GALK2: variants seen among roughly 807,000 people sequenced by gnomAD.
The protein encoded by GALK2 is N-acetylgalactosamine kinase.
Under a neutral mutation model 52.4 loss-of-function variants are expected in GALK2, and 36 were observed. That is an observed-to-expected ratio of 0.69 (90% confidence interval 0.53 to 0.91). The LOEUF (loss-of-function observed/expected upper bound fraction) is 0.91, where lower values mean the gene tolerates loss of function less well. Ranked by LOEUF, GALK2 falls within the 40% of genes least tolerant of loss-of-function variation. The pLI is 0.00. For synonymous variants in GALK2, 176 were observed against 199.1 expected (o/e 0.88, Z 0.98); for missense variants, 579 against 559.1 (o/e 1.04, Z -0.36).
At chr15:49,343,066 C>G (rs992655231) in intron 3 of GALK2, among the ~76,000 whole-genome samples, 34 of 152,112 alleles carry the variant, frequency 2.2e-4, no homozygotes, top group Admixed American at 2.0e-4. Context: ...GTCTACCTCT[C>G]TAACAAGATA....
intron 4 of GALK2, 112 bp from the exon 5 acceptor site, chr15:49,239,109 A>G (rs1223407413): frequency 2.4e-6 from 2 of 817,094 alleles, no homozygotes; most frequent in Non-Finnish European, 3.9e-6. Flanking sequence ...TAGTTTCTAT[A>G]ACTATTATAA....
chr15:49,283,667 A>G lies in GALK2; in HGVS notation c.705A>G (p.Ala235=). The G allele has an allele frequency of 6.2e-7, 1 of 1,614,144 alleles. No homozygotes were observed. The highest frequency in any genetic ancestry group is 8.5e-7 in the Non-Finnish European group (1 of 1,179,972). The stretch of plus-strand genomic sequence containing the variant: ...ACAGTTGTGTGGAGATGAATAAGGC[A>G]GCAACTTCCCATTTCAATATCAGGG... ...IANSCVEMNK[A]ATSHFNIRVM... Residue 235 remains alanine (A), a synonymous_variant, in exon 7 of 10, where the codon GCA becomes GCG. Transcript: ENST00000560031.
chr15:49,211,458 G>T (rs1046799618), intron 2 of GALK2, among the ~76,000 whole-genome samples: 3 of 152,064 alleles, frequency 2.0e-5, no homozygotes, highest in African/African-American at 7.2e-5. Flanking sequence ...TCCAACCTCT[G>T]CCACTTACCT....
intron 5 of GALK2, among the ~76,000 whole-genome samples, chr15:49,269,939 C>G (rs1284213624): frequency 6.6e-6 from 1 of 152,230 alleles, no homozygotes; most frequent in Non-Finnish European, 1.5e-5. Flanking sequence ...TGTGCGTCCT[C>G]TTATTCTTTC....
chr15:49,250,011 A>C (rs949580853), intron 5 of GALK2, among the ~76,000 whole-genome samples: 1 of 152,214 alleles, frequency 6.6e-6, no homozygotes, highest in Non-Finnish European at 1.5e-5. Context: ...CGTACTAGCC[A>C]ATGGAAACCG....
Position 49,283,700 on chromosome 15 carries a change from G to T in GALK2, c.738G>T (p.Glu246Asp). The change falls in exon 7 of 10, where the codon GAG (glutamate) becomes GAT (aspartate). Residue 246 changes from glutamate (E) to aspartate (D), a missense_variant. Physicochemically the swap from Glu to Asp is conservative, Grantham distance 45. Coordinates refer to ENST00000560031, the MANE Select transcript of GALK2 (RefSeq NM_002044.4). ...ATSHFNIRVM[E>D]CRLAAKLLAK... is the part of the protein sequence containing the mutation. ...CCCATTTCAATATCAGGGTGATGGA[G>T]TGTCGGCTGGCTGCGAAGGTATGAA... 2 of 1,614,006 alleles carry T rather than the reference G, an allele frequency of 1.2e-6. No individual in the cohort carries two copies. Among genetic ancestry groups the T allele is most frequent in the Non-Finnish European group, 1.7e-6 (2 of 1,179,908 alleles).
intron 3 of GALK2, chr15:49,353,614 GTTTTT>G (rs59655647): frequency 3.6e-5 from 5 of 138,722 alleles, no homozygotes; most frequent in African/African-American, 1.3e-4. Flanking sequence ...GAAAATAAGG[GTTTTT>G]TTTTTTTTTT....
chr15:49,167,650 T>C (rs671945), upstream of GALK2, among the ~76,000 whole-genome samples: 101,670 of 152,148 alleles, frequency 0.67, 34,677 homozygotes, highest in African/African-American at 0.77. Context: ...TGAGCCACTG[T>C]GCCCAGCCAA....
At chr15:49,236,987 T>G (rs551058887) in intron 4 of GALK2, among the ~76,000 whole-genome samples, 1 of 152,348 alleles carries the variant, frequency 6.6e-6, no homozygotes, top group African/African-American at 2.4e-5. Flanking sequence ...TGGTAATAAC[T>G]TACAGGAAAA....
chr15:49,204,416 C>G (rs937139391), intron 2 of GALK2, among the ~76,000 whole-genome samples: 4 of 151,770 alleles, frequency 2.6e-5, no homozygotes, highest in African/African-American at 9.7e-5. Flanking sequence ...TGCATTGAAT[C>G]TGTAGTAGTA....
chr15:49,223,197 G>A (rs1003601315), intron 3 of GALK2: 2 of 152,080 alleles, frequency 1.3e-5, no homozygotes, highest in African/African-American at 4.8e-5. Context: ...AACAGTGTCT[G>A]ATAAGCTTTT....
At chr15:49,221,174 C>T (rs906906635) in intron 3 of GALK2, among the ~76,000 whole-genome samples, 22 of 146,260 alleles carry the variant, frequency 1.5e-4, no homozygotes, top group African/African-American at 7.4e-5. Context: ...TAAAGTGTTT[C>T]CCCTATATTT....
At chr15:49,321,244 A>G (rs2036847939) in intron 9 of GALK2, among the ~76,000 whole-genome samples, 1 of 151,998 alleles carries the variant, frequency 6.6e-6, no homozygotes. Context: ...CAGCAAATGC[A>G]TAGGCCCTGA....
intron 2 of GALK2, among the ~76,000 whole-genome samples, chr15:49,208,207 T>G (rs1256068584): frequency 6.6e-6 from 1 of 152,202 alleles, no homozygotes; most frequent in African/African-American, 2.4e-5. Flanking sequence ...GGGTTTAGTT[T>G]GTTCTTGTTT....
intron 3 of GALK2, among the ~76,000 whole-genome samples, chr15:49,357,332 C>T (rs1398656942): frequency 1.3e-3 from 190 of 147,022 alleles, no homozygotes; most frequent in African/African-American, 4.1e-3. Flanking sequence ...ATTGATAGAC[C>T]GCTAGCAAGA....
In GALK2 at chr15:49,328,573, A is replaced by G; in HGVS notation, c.*414A>G. On this transcript the variant is annotated 3_prime_UTR_variant, in exon 10 of 10. Transcript: ENST00000560031. ...GAGTTCATTTCTGGTTTCTCTTAGTATTCTTCTTCCTCAAAGTTGTAGTTG... is the reference window on the plus strand; with the variant it reads ...GAGTTCATTTCTGGTTTCTCTTAGTGTTCTTCTTCCTCAAAGTTGTAGTTG... 1 of 1,604,146 alleles carries G rather than the reference A, an allele frequency of 6.2e-7. No individual in the cohort carries two copies. Among genetic ancestry groups the G allele is most frequent in the South Asian group, 1.1e-5 (1 of 89,832 alleles).
chr15:49,339,665 C>T (rs748489516), intron 3 of GALK2, among the ~76,000 whole-genome samples: 1 of 152,130 alleles, frequency 6.6e-6, no homozygotes, highest in African/African-American at 2.4e-5. Flanking sequence ...CTGGGAGATC[C>T]GCTGCTGTCT....
intron 3 of GALK2, among the ~76,000 whole-genome samples, chr15:49,222,955 G>T (rs1273024654): frequency 6.6e-6 from 1 of 152,188 alleles, no homozygotes; most frequent in African/African-American, 2.4e-5. Flanking sequence ...GTTTGAAGAG[G>T]ATTGGTATTT....
At chr15:49,351,274 G>C (rs1432482549) in intron 3 of GALK2, among the ~76,000 whole-genome samples, 1 of 152,046 alleles carries the variant, frequency 6.6e-6, no homozygotes, top group Non-Finnish European at 1.5e-5. Flanking sequence ...ATGACTACTA[G>C]CTATGGAATT....
Sources: gnomAD v4.1 joint callset for allele counts (sites outside exome capture counted in the v4.1 genomes callset) on GRCh38, gnomAD v4.1.1 for gene constraint, MANE v1.5 for transcripts, NCBI Gene and HGNC (gene_info 2026-07-23, HGNC 2026-07-21) for gene names.